Variants in PPFIA2 observed in about 807,000 individuals in gnomAD.
The protein encoded by PPFIA2 is PPFI scaffold protein A2, also known as liprin-alpha-2.
PPFIA2 carries 46 observed loss-of-function variants against 175.5 expected under a neutral mutation model. The ratio of observed to expected loss-of-function variants is 0.26; its 90% CI spans 0.21 to 0.34. PPFIA2 has a LOEUF of 0.34. Among genes scored for constraint, PPFIA2 ranks in the 10% least tolerant of loss-of-function variants. PPFIA2 has a pLI of 1.00. For synonymous variants in PPFIA2, 568 were observed against 511.4 expected (o/e 1.11, Z -1.49); for missense variants, 1,179 against 1,506.1 (o/e 0.78, Z 3.60).
chr12:81,318,148 A>G (rs948116098), intron 22 of PPFIA2, among the ~76,000 whole-genome samples: 6 of 151,634 alleles, frequency 4.0e-5, no homozygotes, highest in African/African-American at 7.2e-5. Context: ...TTTGTTCTGT[A>G]TATACCACAT....
chr12:81,591,834 C>T (rs1397396654), intron 4 of PPFIA2, among the ~76,000 whole-genome samples: 1 of 152,064 alleles, frequency 6.6e-6, no homozygotes, highest in Non-Finnish European at 1.5e-5. Flanking sequence ...CATGGAGAAC[C>T]TCTGCTATGG....
intron 4 of PPFIA2, among the ~76,000 whole-genome samples, chr12:81,459,166 T>TTCTAGATGTTCAGAGTTTG (rs2054095467): frequency 6.6e-6 from 1 of 152,142 alleles, no homozygotes; most frequent in South Asian, 2.1e-4. Context: ...GTTGTTGCTT[T>TTCTAGATGTTCAGAGTTTG]TTGGCTGACA....
intron 4 of PPFIA2, among the ~76,000 whole-genome samples, chr12:81,655,421 TA>T (rs1238170542): frequency 6.6e-6 from 1 of 151,686 alleles, no homozygotes; most frequent in African/African-American, 2.4e-5. Context: ...TTCTAATACA[TA>T]TTTTTAAAAA....
intron 4 of PPFIA2, among the ~76,000 whole-genome samples, chr12:81,558,402 A>G (rs1309698359): frequency 6.6e-6 from 1 of 152,206 alleles, no homozygotes; most frequent in African/African-American, 2.4e-5. Context: ...CTATATTTTC[A>G]TACACATTAC....
At chr12:81,422,612 A>T (rs1338646331) in intron 7 of PPFIA2, among the ~76,000 whole-genome samples, 3 of 152,124 alleles carry the variant, frequency 2.0e-5, no homozygotes, top group Non-Finnish European at 4.4e-5. Flanking sequence ...GCAGCAGGCA[A>T]AGAGAGAGCT....
intron 32 of PPFIA2, chr12:81,260,496 T>C (rs1338285279): frequency 6.6e-6 from 1 of 152,154 alleles, no homozygotes; most frequent in African/African-American, 2.4e-5. Context: ...TAAACAGTAT[T>C]TTGGGAGACC....
intron 16 of PPFIA2, 96 bp downstream of exon 16, chr12:81,357,986 C>G: frequency 1.7e-6 from 2 of 1,205,016 alleles, no homozygotes; most frequent in Non-Finnish European, 2.2e-6. Flanking sequence ...AATAAAAATG[C>G]TAGCATTTTC....
intron 6 of PPFIA2, among the ~76,000 whole-genome samples, chr12:81,445,225 A>G (rs1044591253): frequency 5.0e-4 from 55 of 110,384 alleles, no homozygotes; most frequent in African/African-American, 8.1e-4. Flanking sequence ...GGGAGGGGGG[A>G]GAGAGAGAGA....
At position 81,597,814 on chromosome 12, in the gene PPFIA2, C is replaced by T. The variant is rs960602655; in HGVS notation, c.303+78977G>A. 6 of 850,208 alleles carry T rather than the reference C, an allele frequency of 7.1e-6. No homozygotes were observed. In the Admixed American group the frequency reaches 1.6e-4, roughly 22 times the overall value. 52.7% of individuals were successfully genotyped at this position (850,208 alleles called of 1,614,324 possible). A position where few individuals can be genotyped will look rare whatever the true frequency, so the allele number is the denominator to read the frequency against. On this transcript the variant is annotated intron_variant, in intron 4 of 32. Transcript: ENST00000549396. ...CACAGTTTAAAGTAGATTAAACTGA[C>T]ATGCACATTATTCATTCCATACATT...
At chr12:81,444,374 A>T (rs1318102986) in intron 6 of PPFIA2, among the ~76,000 whole-genome samples, 2 of 152,186 alleles carry the variant, frequency 1.3e-5, no homozygotes, top group Non-Finnish European at 2.9e-5. Context: ...CATACTAAAA[A>T]TTCTATACAT....
intron 21 of PPFIA2, among the ~76,000 whole-genome samples, chr12:81,330,371 G>A (rs2055859353): frequency 6.6e-6 from 1 of 152,158 alleles, no homozygotes; most frequent in African/African-American, 2.4e-5. Flanking sequence ...AAAAAATTAT[G>A]TAATGTTCTT....
chr12:81,467,648 T>A (rs2055932629), intron 4 of PPFIA2, among the ~76,000 whole-genome samples: 1 of 152,228 alleles, frequency 6.6e-6, no homozygotes, highest in Admixed American at 6.5e-5. Flanking sequence ...TATCGTCTCC[T>A]CATCTCTCTG....
intron 22 of PPFIA2, among the ~76,000 whole-genome samples, chr12:81,324,316 A>T (rs1017005610): frequency 5.9e-5 from 9 of 152,078 alleles, no homozygotes; most frequent in Admixed American, 3.3e-4. Flanking sequence ...GTAGCTATTT[A>T]AAAAGATATT....
intron 3 of PPFIA2, among the ~76,000 whole-genome samples, chr12:81,740,512 G>C (rs1465320031): frequency 6.6e-6 from 1 of 152,136 alleles, no homozygotes; most frequent in East Asian, 1.9e-4. Context: ...CACAACCACA[G>C]TTCTAAACTC....
At chr12:81,263,581 A>C (rs1293402849) in intron 30 of PPFIA2, among the ~76,000 whole-genome samples, 191 bp from the exon 31 acceptor site, 1 of 152,208 alleles carries the variant, frequency 6.6e-6, no homozygotes, top group Admixed American at 6.5e-5. Context: ...TTGATATATA[A>C]ATTTTTAAAT....
At chr12:81,541,859 G>T (rs2066266687) in intron 4 of PPFIA2, among the ~76,000 whole-genome samples, 4 of 152,084 alleles carry the variant, frequency 2.6e-5, no homozygotes. Context: ...GGTGACTGAT[G>T]CTGGGAGCCA....
intron 4 of PPFIA2, among the ~76,000 whole-genome samples, chr12:81,615,133 G>T (rs552617395): frequency 9.6e-4 from 146 of 152,326 alleles, no homozygotes; most frequent in East Asian, 1.3e-3. Flanking sequence ...ATTTTTCTGA[G>T]GGAGCAAATG....
At position 81,702,429 on chromosome 12, in the gene PPFIA2, T is replaced by C. The variant is rs1208296248; in HGVS notation, c.250-25585A>G. Among the ~76,000 whole-genome samples the C allele has an allele frequency of 3.3e-5, 5 of 152,188 alleles. No individual in the cohort carries two copies. In the East Asian group the frequency reaches 9.6e-4, roughly 29 times the overall value. On this transcript the variant is annotated intron_variant, in intron 3 of 32. Coordinates refer to ENST00000549396, the MANE Select transcript of PPFIA2 (RefSeq NM_003625.5). ...CTAGCTTTAAATCCCATCACTCCAGTGAAATCAATCTTGTCTATATCACCA... is the reference window on the plus strand; with the variant it reads ...CTAGCTTTAAATCCCATCACTCCAGCGAAATCAATCTTGTCTATATCACCA...
At chr12:81,273,094 A>G (rs1328357751) in intron 28 of PPFIA2, among the ~76,000 whole-genome samples, 1 of 152,048 alleles carries the variant, frequency 6.6e-6, no homozygotes, top group Non-Finnish European at 1.5e-5. Flanking sequence ...TTTTTACTGT[A>G]TTATCATGAG....
Sources: gnomAD v4.1 joint callset for allele counts (sites outside exome capture counted in the v4.1 genomes callset) on GRCh38, gnomAD v4.1.1 for gene constraint, MANE v1.5 for transcripts, NCBI Gene and HGNC (gene_info 2026-07-23, HGNC 2026-07-21) for gene names.